The following DYNC2I1 variants were observed in gnomAD, a reference collection of about 807,000 sequenced individuals.
The protein encoded by DYNC2I1 is dynein 2 intermediate chain 1.
DYNC2I1 carries 89 observed loss-of-function variants against 133.4 expected under a neutral mutation model. That is an observed-to-expected ratio of 0.67 (90% confidence interval 0.56 to 0.80). The LOEUF (loss-of-function observed/expected upper bound fraction) is 0.80, where lower values mean the gene tolerates loss of function less well. Ranked by LOEUF, DYNC2I1 falls within the 30% of genes least tolerant of loss-of-function variation. The pLI is 0.00. For missense variants in DYNC2I1, 1,291 were observed against 1,314.5 expected (o/e 0.98, Z 0.28); for synonymous variants, 504 against 484.3 (o/e 1.04, Z -0.54).
the DYNC2I1 span, among the ~76,000 whole-genome samples, chr7:158,843,451 G>T: frequency 4.0e-4 from 61 of 152,252 alleles, no homozygotes; most frequent in Admixed American, 1.6e-3. Context: ...GTAGAGACGG[G>T]GTTTTGCCAT....
chr7:158,881,700 G>A (rs1349090332), intron 5 of DYNC2I1, among the ~76,000 whole-genome samples: 1 of 152,064 alleles, frequency 6.6e-6, no homozygotes, highest in Non-Finnish European at 1.5e-5. Flanking sequence ...TGATCCGCCC[G>A]CCTTGGCCTC....
At chr7:158,910,826 A>G (rs1479621613) in intron 11 of DYNC2I1, among the ~76,000 whole-genome samples, 30 of 98,306 alleles carry the variant, frequency 3.1e-4, no homozygotes, top group South Asian at 1.2e-3. Context: ...CCTGTGGGCC[A>G]AGGGTGATTG....
chr7:158,933,706 G>A (rs1408961189), intron 21 of DYNC2I1, among the ~76,000 whole-genome samples: 1 of 152,198 alleles, frequency 6.6e-6, no homozygotes, highest in African/African-American at 2.4e-5. Flanking sequence ...GCAAATTGGG[G>A]CTCACAGGTT....
rs1849312740 is a variant in DYNC2I1 at position 158,923,623 on chromosome 7, C to G, written c.2147C>G (p.Thr716Arg). ...PLKAFLLFAG[T>R]AHGSVVVWDL... Reference sequence around the variant, plus strand: ...AAAGCATTTTTACTGTTTGCCGGAACAGCGCACGGCTCAGTTGTCGTCTGG... The same window carrying G: ...AAAGCATTTTTACTGTTTGCCGGAAGAGCGCACGGCTCAGTTGTCGTCTGG... The change falls in exon 17 of 25, where the codon ACA (threonine) becomes AGA (arginine). Residue 716 changes from threonine (T) to arginine (R), a missense_variant. By Grantham distance (71) the Thr-to-Arg change is moderately conservative. Transcript: ENST00000407559. The G allele has an allele frequency of 1.2e-6, 2 of 1,613,890 alleles. No individual in the cohort carries two copies. The highest frequency in any genetic ancestry group is 3.3e-5 in the Admixed American group (2 of 60,002).
At chr7:158,913,720 T>G (rs1847721932) in intron 13 of DYNC2I1, among the ~76,000 whole-genome samples, 2 of 152,148 alleles carry the variant, frequency 1.3e-5, no homozygotes, top group South Asian at 4.1e-4. Flanking sequence ...AAAAAAATTT[T>G]TTTTTTGAGA....
At chr7:158,911,429 C>A in intron 11 of DYNC2I1, 121 bp from the exon 12 acceptor site, 2 of 1,102,008 alleles carry the variant, frequency 1.8e-6, no homozygotes, top group African/African-American at 1.6e-5. Flanking sequence ...CTCACCCCAG[C>A]CTGAAGCTAG....
rs530751061 is a variant in DYNC2I1, at chr7:158,917,485, C to G, written c.1792-1255C>G. On this transcript the variant is annotated intron_variant, in intron 14 of 24. Coordinates refer to ENST00000407559, the MANE Select transcript of DYNC2I1 (RefSeq NM_018051.5). ...TCCACACTCCACCCTCCACCTCTCA[C>G]TAAACACCTCCTGTCCTCCACACTC... Among the ~76,000 whole-genome samples, 4 of 85,588 alleles carry G rather than the reference C, an allele frequency of 4.7e-5. 1 individual carries two copies. Among genetic ancestry groups the G allele is most frequent in the Non-Finnish European group, 9.2e-5 (4 of 43,452 alleles). 56.1% of individuals were successfully genotyped at this position (85,588 alleles called of 152,430 possible).
intron 11 of DYNC2I1, among the ~76,000 whole-genome samples, chr7:158,910,800 C>T (rs1449091974): frequency 1.4e-5 from 2 of 147,258 alleles, no homozygotes; most frequent in Admixed American, 1.4e-4. Context: ...GTGCGCAGGG[C>T]GATTGGCTGT....
At chr7:158,850,460 G>C in the DYNC2I1 span, among the ~76,000 whole-genome samples, 1 of 152,232 alleles carries the variant, frequency 6.6e-6, no homozygotes, top group Non-Finnish European at 1.5e-5. Context: ...AAGGGATGTG[G>C]CTCCAACCAG....
chr7:158,920,790 C>T (rs1039276743), intron 15 of DYNC2I1, among the ~76,000 whole-genome samples: 3 of 152,158 alleles, frequency 2.0e-5, no homozygotes, highest in Non-Finnish European at 4.4e-5. Context: ...TCTCACCCTG[C>T]GAATCCAGAA....
At chr7:158,934,007 A>G (rs568731161) in intron 21 of DYNC2I1, 122 bp from the exon 22 acceptor site, 7 of 690,966 alleles carry the variant, frequency 1.0e-5, no homozygotes, top group African/African-American at 9.2e-5. Context: ...CTAAACCCAC[A>G]GAGGAATGTG....
intron 3 of DYNC2I1, among the ~76,000 whole-genome samples, chr7:158,873,421 C>G (rs1843056894): frequency 6.6e-6 from 1 of 152,154 alleles, no homozygotes; most frequent in African/African-American, 2.4e-5. Flanking sequence ...CTGTTTATCC[C>G]CTTCACTGCT....
At chr7:158,842,957 GA>G in the DYNC2I1 span, among the ~76,000 whole-genome samples, 1 of 152,224 alleles carries the variant, frequency 6.6e-6, no homozygotes, top group Non-Finnish European at 1.5e-5. Context: ...CTTAACACAG[GA>G]TTTGAGATTC....
downstream of DYNC2I1, among the ~76,000 whole-genome samples, chr7:158,949,858 G>A (rs1234800486): frequency 2.0e-5 from 3 of 150,618 alleles, no homozygotes; most frequent in South Asian, 2.1e-4. Flanking sequence ...CGCAACCTCC[G>A]CCTCCCAGGT....
At chr7:158,876,036 G>A (rs1014213816) in intron 3 of DYNC2I1, among the ~76,000 whole-genome samples, 14 of 152,202 alleles carry the variant, frequency 9.2e-5, no homozygotes, top group Non-Finnish European at 5.9e-5. Context: ...TCATACTGCT[G>A]TAAAGAAACA....
intron 7 of DYNC2I1, among the ~76,000 whole-genome samples, chr7:158,887,665 C>G (rs1452037736): frequency 1.3e-5 from 2 of 152,198 alleles, no homozygotes; most frequent in Non-Finnish European, 2.9e-5. Flanking sequence ...TATAGTGAGT[C>G]AAGACATTGC....
Position 158,934,247 on chromosome 7 carries a change from T to G in DYNC2I1, c.2646+19T>G. On this transcript the variant is annotated intron_variant, in intron 22 of 24. Coordinates refer to ENST00000407559, the MANE Select transcript of DYNC2I1 (RefSeq NM_018051.5). ...AGACATGGTGAGTAGTATTTTAAAT[T>G]TAATCCTATTACTCATTCTCCTTGT... The G allele has an allele frequency of 6.3e-7, 1 of 1,588,910 alleles. No individual in the cohort carries two copies. The highest frequency in any genetic ancestry group is 8.6e-7 in the Non-Finnish European group (1 of 1,167,522).
chr7:158,888,483 A>G (rs1844838033), intron 7 of DYNC2I1, among the ~76,000 whole-genome samples: 1 of 150,430 alleles, frequency 6.6e-6, no homozygotes, highest in African/African-American at 2.5e-5. Flanking sequence ...ATATATATAT[A>G]TACGTTGAGA....
intron 4 of DYNC2I1, among the ~76,000 whole-genome samples, chr7:158,951,737 G>C (rs957534757): frequency 3.3e-5 from 5 of 152,186 alleles, no homozygotes; most frequent in Admixed American, 3.3e-4. Context: ...TGGCATTGGG[G>C]CTGCCTGAGG....
Sources: allele counts gnomAD v4.1 joint callset (sites outside exome capture counted in the v4.1 genomes callset), GRCh38; gene constraint gnomAD v4.1.1; transcripts MANE v1.5; gene names NCBI Gene and HGNC (gene_info 2026-07-23, HGNC 2026-07-21).